The following ANKFN1 variants were observed in gnomAD, a reference collection of about 807,000 sequenced individuals.
ANKFN1 encodes ankyrin repeat and fibronectin type III domain containing 1, also known as ankyrin repeat and fibronectin type-III domain-containing protein 1.
ANKFN1 carries 74 observed loss-of-function variants against 108.7 expected under a neutral mutation model. The ratio of observed to expected loss-of-function variants is 0.68; its 90% CI spans 0.56 to 0.83. The LOEUF (loss-of-function observed/expected upper bound fraction) is 0.83. Among genes scored for constraint, ANKFN1 ranks in the 40% least tolerant of loss-of-function variants. The probability of loss-of-function intolerance (pLI) is 0.00; values close to 1 mark genes in which losing one functional copy is unlikely to be tolerated. For missense variants in ANKFN1, 1,505 were observed against 1,382.3 expected (o/e 1.09, Z -1.41); for synonymous variants, 547 against 516.2 (o/e 1.06, Z -0.81).
intron 3 of ANKFN1, among the ~76,000 whole-genome samples, chr17:56,257,639 G>A (rs1403519216): frequency 6.6e-6 from 1 of 152,142 alleles, no homozygotes; most frequent in Admixed American, 6.5e-5. Context: ...AGGACACGGG[G>A]CCTGTTCAAG....
chr17:56,136,761 C>A (rs144820479), intron 4 of ANKFN1, among the ~76,000 whole-genome samples: 32 of 152,268 alleles, frequency 2.1e-4, no homozygotes, highest in African/African-American at 7.0e-4. Context: ...CTAGATATTT[C>A]TCTATTTGCA....
In ANKFN1 at chr17:56,188,086, AAAAT is replaced by A. The variant is rs144198845; in HGVS notation, c.-70-24490_-70-24487del. Among the ~76,000 whole-genome samples, 12 of 152,204 alleles carry A rather than the reference AAAAT, an allele frequency of 7.9e-5. No individual in the cohort carries two copies. The South Asian group carries it at 1.2e-3, about 16-fold the overall frequency. On this transcript the variant is annotated intron_variant, in intron 1 of 20. Coordinates refer to ENST00000682825, the MANE Select transcript of ANKFN1 (RefSeq NM_001370326.1). ...CCTAGAACTTAAAGTATAAGAATCAAAAATAAATAAATAAATAAATAAATACATT... is the reference window on the plus strand; with the variant it reads ...CCTAGAACTTAAAGTATAAGAATCAAAAATAAATAAATAAATAAATACATT...
In ANKFN1 at chr17:56,477,572, G is replaced by A; in HGVS notation, c.1858G>A (p.Asp620Asn). ...TTACCTAAAGCTCTGTAGCTCTGTG[G>A]ATCAAATCAAAGTTCTTGTTACCCA... Reference protein sequence around the residue: ...LGYLKLCSSVDQIKVLVTQKL... With the variant: ...LGYLKLCSSVNQIKVLVTQKL... Residue 620 changes from aspartate (D) to asparagine (N), a missense_variant, in exon 16 of 21, where the codon GAT (aspartate) becomes AAT (asparagine). By Grantham distance (23) the Asp-to-Asn change is conservative. Transcript: ENST00000682825. The A allele has an allele frequency of 6.2e-7, 1 of 1,613,326 alleles. No individual in the cohort carries two copies. Among genetic ancestry groups the A allele is most frequent in the Non-Finnish European group, 8.5e-7 (1 of 1,179,770 alleles).
chr17:56,318,110 A>G (rs1298654927), intron 3 of ANKFN1, among the ~76,000 whole-genome samples: 1 of 152,192 alleles, frequency 6.6e-6, no homozygotes, highest in Non-Finnish European at 1.5e-5. Flanking sequence ...GTCCCTTGTA[A>G]CTGCCTTTTT....
intron 3 of ANKFN1, among the ~76,000 whole-genome samples, chr17:56,264,442 G>T (rs2043597603): frequency 6.6e-6 from 1 of 152,140 alleles, no homozygotes; most frequent in African/African-American, 2.4e-5. Flanking sequence ...TTTTTCAGCA[G>T]CTCTGGTTTT....
chr17:56,266,169 T>G (rs2043645246), intron 3 of ANKFN1, among the ~76,000 whole-genome samples: 1 of 152,186 alleles, frequency 6.6e-6, no homozygotes, highest in African/African-American at 2.4e-5. Flanking sequence ...GGAAATACAA[T>G]CATTTGAACC....
chr17:56,307,596 G>T (rs2044870328), intron 3 of ANKFN1, among the ~76,000 whole-genome samples: 4 of 152,330 alleles, frequency 2.6e-5, no homozygotes, highest in African/African-American at 9.6e-5. Context: ...TGGAGAGGAT[G>T]TGGAGAAATA....
chr17:56,406,752 G>A (rs188774427), intron 8 of ANKFN1, among the ~76,000 whole-genome samples: 1 of 152,222 alleles, frequency 6.6e-6, no homozygotes, highest in Non-Finnish European at 1.5e-5. Context: ...TGTGATCTTT[G>A]GTATAAGTTA....
chr17:56,421,183 C>G (rs1344749770), intron 8 of ANKFN1, among the ~76,000 whole-genome samples: 3 of 152,266 alleles, frequency 2.0e-5, no homozygotes, highest in Admixed American at 2.0e-4. Context: ...GTGTTTTCCT[C>G]TGTGATAGCT....
At chr17:56,301,746 A>G (rs978794849) in intron 3 of ANKFN1, among the ~76,000 whole-genome samples, 1 of 152,234 alleles carries the variant, frequency 6.6e-6, no homozygotes, top group African/African-American at 2.4e-5. Flanking sequence ...ATGAAGAATA[A>G]TTGATAAGCA....
intron 3 of ANKFN1, among the ~76,000 whole-genome samples, chr17:56,255,846 A>G (rs1055598845): frequency 1.1e-4 from 17 of 152,176 alleles, no homozygotes; most frequent in Non-Finnish European, 4.4e-5. Flanking sequence ...TTATGTAGGA[A>G]CTGGAAAATT....
chr17:56,475,758 G>C (rs1432362697), intron 15 of ANKFN1, among the ~76,000 whole-genome samples: 1 of 152,098 alleles, frequency 6.6e-6, no homozygotes, highest in South Asian at 2.1e-4. Context: ...TTGTGGTAAG[G>C]CACCTGAACT....
chr17:56,262,748 G>T (rs1041485874), intron 3 of ANKFN1, among the ~76,000 whole-genome samples: 1 of 152,172 alleles, frequency 6.6e-6, no homozygotes, highest in Non-Finnish European at 1.5e-5. Context: ...TAATAAATGA[G>T]GATGGAAGAA....
chr17:56,379,178 C>T (rs1045666458), intron 8 of ANKFN1, among the ~76,000 whole-genome samples: 2 of 152,076 alleles, frequency 1.3e-5, no homozygotes, highest in African/African-American at 4.8e-5. Flanking sequence ...GTGGATGGAT[C>T]ATGAGGTGAG....
intron 8 of ANKFN1, among the ~76,000 whole-genome samples, chr17:56,437,403 G>A (rs945589274): frequency 1.3e-5 from 2 of 152,142 alleles, no homozygotes; most frequent in African/African-American, 4.8e-5. Context: ...TTGGCAAGTT[G>A]TCTTGAGTTC....
chr17:56,262,343 A>G (rs571529590), intron 3 of ANKFN1, among the ~76,000 whole-genome samples: 5 of 152,306 alleles, frequency 3.3e-5, no homozygotes, highest in African/African-American at 9.6e-5. Flanking sequence ...AATGGTTTCA[A>G]TCCGTCGCAG....
chr17:56,486,289 G>T (rs747823119), intron 18 of ANKFN1, among the ~76,000 whole-genome samples: 1 of 152,158 alleles, frequency 6.6e-6, no homozygotes, highest in Non-Finnish European at 1.5e-5. Context: ...CCACTTGGTT[G>T]GGCTCGGTTC....
intron 4 of ANKFN1, among the ~76,000 whole-genome samples, chr17:56,139,702 G>A (rs1598130671): frequency 6.6e-6 from 1 of 152,300 alleles, no homozygotes; most frequent in East Asian, 1.9e-4. Context: ...AGGCTGCTCA[G>A]AAGTCACTGT....
At chr17:56,352,415 A>G (rs1272378153) in intron 5 of ANKFN1, among the ~76,000 whole-genome samples, 1 of 152,186 alleles carries the variant, frequency 6.6e-6, no homozygotes, top group Non-Finnish European at 1.5e-5. Context: ...CCACATGTTA[A>G]TCAGGTGACC....
Sources: gnomAD v4.1 joint callset for allele counts (sites outside exome capture counted in the v4.1 genomes callset) on GRCh38, gnomAD v4.1.1 for gene constraint, MANE v1.5 for transcripts, NCBI Gene and HGNC (gene_info 2026-07-23, HGNC 2026-07-21) for gene names.